The following AVEN variants were observed in gnomAD, a reference collection of about 807,000 sequenced individuals.
The protein encoded by AVEN is cell death regulator Aven.
In AVEN, 41 loss-of-function variants were observed where a neutral mutation model predicts 38.1. The ratio of observed to expected loss-of-function variants is 1.08; its 90% confidence interval spans 0.84 to 1.40. The LOEUF is 1.40. Ranked by LOEUF, AVEN falls within the 40% of genes most tolerant of loss-of-function variation. AVEN has a pLI of 0.00. For missense variants in AVEN, 605 were observed against 438.8 expected (o/e 1.38, Z -3.38); for synonymous variants, 206 against 171.8 (o/e 1.20, Z -1.56).
At position 33,937,743 on chromosome 15, in the gene AVEN, T is replaced by C. The variant is rs375683237; in HGVS notation, c.446-61748A>G. 5.9e-5 allele frequency among the ~76,000 whole-genome samples: 9 copies of C among 152,050 alleles called. No homozygotes were observed. In the South Asian group the frequency reaches 1.7e-3, roughly 28 times the overall value. On this transcript the variant is annotated intron_variant, in intron 2 of 5. Coordinates refer to ENST00000306730, the MANE Select transcript of AVEN (RefSeq NM_020371.3). ...GAGAGTTTCCTCACTATTTCTGCCCTGTGAGCACAGGGAGAATGTAAGCTG... is the reference window on the plus strand; with the variant it reads ...GAGAGTTTCCTCACTATTTCTGCCCCGTGAGCACAGGGAGAATGTAAGCTG...
Position 33,961,670 on chromosome 15 carries a change from G to T in AVEN, c.445+41362C>A, listed in dbSNP as rs528537665. On this transcript the variant is annotated intron_variant, in intron 2 of 5. Coordinates refer to ENST00000306730, the MANE Select transcript of AVEN (RefSeq NM_020371.3). ...CTACTAAAAACACAAAAAATTAGCC[G>T]GGCGTGGTGGCGGGCACCTGTAGTC... 6.3e-4 allele frequency among the ~76,000 whole-genome samples: 95 copies of T among 151,582 alleles called. 1 individual carries two copies. The South Asian group carries it at 7.3e-3, about 12-fold the overall frequency.
intron 2 of AVEN, among the ~76,000 whole-genome samples, chr15:33,925,694 A>G (rs1893582631): frequency 6.6e-6 from 1 of 152,224 alleles, no homozygotes; most frequent in African/African-American, 2.4e-5. Flanking sequence ...ATTTTATCCA[A>G]CAAGGTACCA....
chr15:33,880,713 A>G (rs902724667), intron 2 of AVEN, among the ~76,000 whole-genome samples: 2 of 152,186 alleles, frequency 1.3e-5, no homozygotes, highest in African/African-American at 4.8e-5. Flanking sequence ...CAGGCCTACC[A>G]AAAGATGAGA....
intron 1 of AVEN, among the ~76,000 whole-genome samples, chr15:34,005,294 C>T (rs7178075): frequency 0.15 from 23,517 of 152,052 alleles, 2,263 homozygotes; most frequent in Middle Eastern, 0.28. Context: ...AGACAGTATC[C>T]AATCCAGGAC....
intron 5 of AVEN, among the ~76,000 whole-genome samples, chr15:34,062,031 T>C (rs190172144): frequency 1.3e-3 from 191 of 152,340 alleles, no homozygotes; most frequent in Non-Finnish European, 2.2e-3. Flanking sequence ...TTCCTCTCTT[T>C]ACTGCTTCTC....
intron 1 of AVEN, among the ~76,000 whole-genome samples, chr15:34,019,773 C>T (rs939916727): frequency 6.6e-6 from 1 of 152,164 alleles, no homozygotes; most frequent in African/African-American, 2.4e-5. Context: ...CCTGGGTGTA[C>T]AGTAGGCTAC....
intron 2 of AVEN, among the ~76,000 whole-genome samples, chr15:33,989,968 C>G (rs1320365665): frequency 6.6e-6 from 1 of 151,302 alleles, no homozygotes; most frequent in Non-Finnish European, 1.5e-5. Flanking sequence ...CTTTGGGAGG[C>G]CAAAGCAGGA....
At chr15:33,880,712 CA>C (rs1046557292) in intron 2 of AVEN, among the ~76,000 whole-genome samples, 11 of 151,674 alleles carry the variant, frequency 7.3e-5, no homozygotes, top group African/African-American at 2.7e-4. Flanking sequence ...TCAGGCCTAC[CA>C]AAAGATGAGA....
chr15:34,062,288 G>A (rs1488191178), intron 5 of AVEN, among the ~76,000 whole-genome samples: 1 of 152,180 alleles, frequency 6.6e-6, no homozygotes, highest in Non-Finnish European at 1.5e-5. Flanking sequence ...GGGCGCGGTG[G>A]CTCACGCCTG....
At chr15:33,892,680 T>A (rs1210176090) in intron 2 of AVEN, among the ~76,000 whole-genome samples, 2 of 152,228 alleles carry the variant, frequency 1.3e-5, no homozygotes, top group Non-Finnish European at 2.9e-5. Flanking sequence ...TTCTTTTTAC[T>A]TAGAATTGTC....
chr15:34,072,378 C>T (rs139489762), intron 1 of AVEN, among the ~76,000 whole-genome samples: 8,330 of 151,730 alleles, frequency 0.055, 300 homozygotes, highest in Non-Finnish European at 0.082. Context: ...TTTGGGAGGC[C>T]GAGGTGGGCA....
At chr15:33,902,313 C>T (rs1479719917) in intron 2 of AVEN, among the ~76,000 whole-genome samples, 5 of 151,956 alleles carry the variant, frequency 3.3e-5, no homozygotes, top group Admixed American at 6.6e-5. Context: ...ACCACATTAA[C>T]AGAATGAAAG....
At chr15:34,024,983 G>A (rs1898389201) in intron 1 of AVEN, among the ~76,000 whole-genome samples, 1 of 151,934 alleles carries the variant, frequency 6.6e-6, no homozygotes, top group Non-Finnish European at 1.5e-5. Flanking sequence ...AGGATTTTGA[G>A]ACCAGTAGAG....
At chr15:34,052,035 T>A (rs1404870991) in intron 5 of AVEN, among the ~76,000 whole-genome samples, 3 of 151,894 alleles carry the variant, frequency 2.0e-5, no homozygotes, top group African/African-American at 4.8e-5. Context: ...CTGGCAGAGA[T>A]ACAACAAAAA....
chr15:33,952,986 T>C (rs1026262481), intron 2 of AVEN, among the ~76,000 whole-genome samples: 2 of 152,138 alleles, frequency 1.3e-5, no homozygotes, highest in South Asian at 2.1e-4. Flanking sequence ...AGCATTCTTA[T>C]ACACCAATAA....
chr15:34,037,045 G>GT (rs565356695), intron 1 of AVEN, among the ~76,000 whole-genome samples: 15 of 151,708 alleles, frequency 9.9e-5, no homozygotes, highest in Non-Finnish European at 2.2e-4. Flanking sequence ...GGAGGCGGAG[G>GT]TTGCAGCAAG....
At chr15:33,886,330 T>G (rs982092953) in intron 2 of AVEN, among the ~76,000 whole-genome samples, 1 of 151,998 alleles carries the variant, frequency 6.6e-6, no homozygotes, top group Admixed American at 6.6e-5. Context: ...TGAGATGGAG[T>G]CTCGCTCTGT....
intron 1 of AVEN, among the ~76,000 whole-genome samples, chr15:34,033,302 T>A (rs1363257565): frequency 6.6e-6 from 1 of 152,110 alleles, no homozygotes; most frequent in African/African-American, 2.4e-5. Flanking sequence ...CCTCAGGAGT[T>A]CAAAACCAGC....
In AVEN at chr15:34,047,615, A is replaced by AT. The variant is rs1403373561; in HGVS notation, n.1637+15306_1637+15307insA. 2.4e-3 allele frequency among the ~76,000 whole-genome samples: 371 copies of AT among 152,266 alleles called. 1 individual carries two copies. Among genetic ancestry groups the AT allele is most frequent in the Admixed American group, 4.4e-3 (68 of 15,288 alleles). On this transcript the variant is annotated intron_variant and non_coding_transcript_variant, in intron 5 of 11. Transcript: ENST00000675287. ...AGCTCCCAGCGGGAGGATGACTGTTACCTCTGTGGTTCAGTTGACTCAGCC... is the reference window on the plus strand; with the variant it reads ...AGCTCCCAGCGGGAGGATGACTGTTATCCTCTGTGGTTCAGTTGACTCAGCC...
Sources: gnomAD v4.1 joint callset for allele counts (sites outside exome capture counted in the v4.1 genomes callset) on GRCh38, gnomAD v4.1.1 for gene constraint, MANE v1.5 for transcripts, NCBI Gene and HGNC (gene_info 2026-07-23, HGNC 2026-07-21) for gene names.